Variants in LHFPL3 observed in about 807,000 individuals in gnomAD.
The protein encoded by LHFPL3 is LHFPL tetraspan subfamily member 3.
LHFPL3 carries 5 observed loss-of-function variants against 19.3 expected under a neutral mutation model. The observed-to-expected ratio is 0.26, with a 90% CI of 0.14 to 0.54. LHFPL3 has a LOEUF of 0.54. Ranked by LOEUF, LHFPL3 falls within the 20% of genes least tolerant of loss-of-function variation. LHFPL3 has a pLI of 0.94. For synonymous variants in LHFPL3, 133 were observed against 126.2 expected, an observed-to-expected ratio of 1.05 and a Z score of -0.36; for missense variants, 249 against 307.4, an observed-to-expected ratio of 0.81 and a Z score of 1.42.
intron 2 of LHFPL3, among the ~76,000 whole-genome samples, chr7:104,773,857 A>G (rs1794600399): frequency 6.6e-6 from 1 of 152,240 alleles, no homozygotes; most frequent in African/African-American, 2.4e-5. Flanking sequence ...CTAAGGAGGA[A>G]CCAACCCTGC....
chr7:104,850,976 A>G (rs1269167973), intron 2 of LHFPL3, among the ~76,000 whole-genome samples: 1 of 152,232 alleles, frequency 6.6e-6, no homozygotes, highest in Non-Finnish European at 1.5e-5. Context: ...CTGATGTGGG[A>G]GACCCACAGG....
chr7:104,800,615 T>C (rs749541205), intron 2 of LHFPL3, among the ~76,000 whole-genome samples: 4 of 152,196 alleles, frequency 2.6e-5, no homozygotes. Context: ...TCAACCTGTC[T>C]AGACTGAATT....
Position 104,658,811 on chromosome 7 carries a change from G to A in LHFPL3, c.446-77864G>A, listed in dbSNP as rs6949519. 1.0e-3 allele frequency among the ~76,000 whole-genome samples: 153 copies of A among 152,192 alleles called. 1 individual carries two copies. Among genetic ancestry groups the A allele is most frequent in the African/African-American group, 3.5e-3 (147 of 41,536 alleles). On this transcript the variant is annotated intron_variant, in intron 1 of 2. Transcript: ENST00000424859. The stretch of plus-strand genomic sequence containing the variant: ...TCTCAAAAAACAAACTAAAAAACAA[G>A]TCATCTCCTTGGGCTGCACCCTCCC...
chr7:104,399,579 A>G lies in LHFPL3; in HGVS notation c.445+70355A>G, dbSNP rs931475348. Reference sequence around the variant, plus strand: ...TGGGTTCAAGGAATTCTCCTGCCTCAGCCTCCCAAGTAGCTGAGATTACAA... The same window carrying G: ...TGGGTTCAAGGAATTCTCCTGCCTCGGCCTCCCAAGTAGCTGAGATTACAA... On this transcript the variant is annotated intron_variant, in intron 1 of 2. Coordinates refer to ENST00000424859, the MANE Select transcript of LHFPL3 (RefSeq NM_199000.3). The surrounding 1 kb of genome is among the most constrained non-coding windows in gnomAD (Gnocchi z 4.4). 4.0e-5 allele frequency among the ~76,000 whole-genome samples: 6 copies of G among 150,946 alleles called. No homozygotes were observed. The highest frequency in any genetic ancestry group is 9.7e-5 in the African/African-American group (4 of 41,044).
At chr7:104,370,942 G>C (rs902237222) in intron 1 of LHFPL3, among the ~76,000 whole-genome samples, 1 of 152,184 alleles carries the variant, frequency 6.6e-6, no homozygotes, top group Non-Finnish European at 1.5e-5. Flanking sequence ...AGCTATTAAA[G>C]CTAATAAGTA....
intron 2 of LHFPL3, among the ~76,000 whole-genome samples, chr7:104,754,995 G>A (rs1435171926): frequency 2.0e-5 from 3 of 152,194 alleles, no homozygotes; most frequent in Admixed American, 6.5e-5. Flanking sequence ...GTCTGCATGA[G>A]GAGGAAGAAG....
At chr7:104,535,685 G>T (rs10081349) in intron 1 of LHFPL3, among the ~76,000 whole-genome samples, 1 of 152,190 alleles carries the variant, frequency 6.6e-6, no homozygotes, top group Non-Finnish European at 1.5e-5. Context: ...CCCTGTGCCC[G>T]TGGAGGATGT....
At chr7:104,824,648 T>C (rs1290121444) in intron 2 of LHFPL3, among the ~76,000 whole-genome samples, 2 of 88,946 alleles carry the variant, frequency 2.2e-5, no homozygotes, top group African/African-American at 9.5e-5. Context: ...TTATATATTA[T>C]ATATAATTAT....
intron 2 of LHFPL3, among the ~76,000 whole-genome samples, chr7:104,830,653 C>T (rs541445109): frequency 6.6e-6 from 1 of 151,938 alleles, no homozygotes; most frequent in African/African-American, 2.4e-5. Flanking sequence ...AGACAAGTGG[C>T]ATTATTTCTG....
intron 1 of LHFPL3, among the ~76,000 whole-genome samples, chr7:104,585,358 A>T (rs1483534674): frequency 6.6e-6 from 1 of 152,068 alleles, no homozygotes; most frequent in East Asian, 1.9e-4. Flanking sequence ...TTTTGTCAAG[A>T]TCCGCACAGG....
At chr7:104,768,120 AC>A (rs1248905564) in intron 2 of LHFPL3, among the ~76,000 whole-genome samples, 1 of 124,858 alleles carries the variant, frequency 8.0e-6, no homozygotes, top group East Asian at 2.4e-4. Context: ...ATACCCAAAC[AC>A]CCTTGTGATT....
intron 1 of LHFPL3, among the ~76,000 whole-genome samples, chr7:104,595,546 C>T (rs758548824): frequency 9.2e-5 from 14 of 152,212 alleles, no homozygotes; most frequent in Non-Finnish European, 1.6e-4. Context: ...GCAGTCTTTC[C>T]GTTCTCAGAG....
At chr7:104,365,787 C>CAAAAAAAAAAAAAAA (rs571171040) in intron 1 of LHFPL3, among the ~76,000 whole-genome samples, 8 of 49,956 alleles carry the variant, frequency 1.6e-4, no homozygotes, top group African/African-American at 6.6e-4. Flanking sequence ...GACTCCGTCT[C>CAAAAAAAAAAAAAAA]AAAAAAAAAA....
chr7:104,736,733 A>G lies in LHFPL3; in HGVS notation c.504A>G (p.Val168=), dbSNP rs201996804. ...CTGATGGCTGGGACTCAGATGAAGT[A>G]AAACGGATGTGTGGAGAAAAGACAG... ...IFPDGWDSDE[V]KRMCGEKTDK... Residue 168 remains valine (V), a synonymous_variant, in exon 2 of 3, where the codon GTA becomes GTG. Transcript: ENST00000424859. 37 of 1,613,776 alleles carry G rather than the reference A, an allele frequency of 2.3e-5. No homozygotes were observed. In the Admixed American group the frequency reaches 3.0e-4, roughly 13 times the overall value.
chr7:104,473,327 T>A (rs1020650983), intron 1 of LHFPL3, among the ~76,000 whole-genome samples: 2 of 152,248 alleles, frequency 1.3e-5, no homozygotes, highest in Non-Finnish European at 1.5e-5. Context: ...TTCTCCAAGT[T>A]TGACTTCTCA....
chr7:104,666,112 A>G (rs988285785), intron 1 of LHFPL3, among the ~76,000 whole-genome samples: 2 of 152,182 alleles, frequency 1.3e-5, no homozygotes, highest in Non-Finnish European at 2.9e-5. Flanking sequence ...TAGAATATAT[A>G]ATAATCTAGT....
At chr7:104,686,887 G>A (rs1428816504) in intron 1 of LHFPL3, among the ~76,000 whole-genome samples, 1 of 152,218 alleles carries the variant, frequency 6.6e-6, no homozygotes, top group Admixed American at 6.5e-5. Flanking sequence ...ATGTCACCAG[G>A]AGAGAGAAGT....
chr7:104,470,849 G>C (rs188265487), intron 1 of LHFPL3, among the ~76,000 whole-genome samples: 1 of 152,058 alleles, frequency 6.6e-6, no homozygotes, highest in Non-Finnish European at 1.5e-5. Context: ...TTTCATTCCA[G>C]CTCTCATTTC....
intron 1 of LHFPL3, among the ~76,000 whole-genome samples, chr7:104,474,277 G>A (rs1369004941): frequency 6.6e-6 from 1 of 152,184 alleles, no homozygotes; most frequent in African/African-American, 2.4e-5. Context: ...CAAAGAAGGT[G>A]TATTTGGGGA....
Sources: allele counts gnomAD v4.1 joint callset (sites outside exome capture counted in the v4.1 genomes callset), GRCh38; gene constraint gnomAD v4.1.1; non-coding constraint Gnocchi (gnomAD v3.1); transcripts MANE v1.5; gene names NCBI Gene and HGNC (gene_info 2026-07-23, HGNC 2026-07-21).